The following FHIT variants were observed in gnomAD, a reference collection of about 807,000 sequenced individuals.
The protein encoded by FHIT is fragile histidine triad diadenosine triphosphatase, also known as bis(5'-adenosyl)-triphosphatase.
FHIT carries 19 observed loss-of-function variants against 17.9 expected under a neutral mutation model. The ratio of observed to expected loss-of-function variants is 1.06; its 90% CI spans 0.74 to 1.56. The LOEUF (loss-of-function observed/expected upper bound fraction) is 1.56. Among genes scored for constraint, FHIT ranks in the 40% most tolerant of loss-of-function variants. FHIT has a pLI of 0.00. For missense variants in FHIT, 248 were observed against 189.2 expected (o/e 1.31, Z -1.82); for synonymous variants, 81 against 69.7 (o/e 1.16, Z -0.81).
At chr3:60,258,698 C>A (rs1041137538) in intron 5 of FHIT, among the ~76,000 whole-genome samples, 13 of 152,034 alleles carry the variant, frequency 8.6e-5, no homozygotes, top group African/African-American at 3.1e-4. Flanking sequence ...GACATGGGAG[C>A]CTTCATAGGA....
intron 5 of FHIT, among the ~76,000 whole-genome samples, chr3:60,379,483 G>T (rs980047702): frequency 5.9e-5 from 9 of 152,070 alleles, no homozygotes; most frequent in Admixed American, 3.9e-4. Flanking sequence ...CTATATTTTA[G>T]TAACACTAAC....
intron 8 of FHIT, among the ~76,000 whole-genome samples, chr3:59,888,398 C>G (rs1358025046): frequency 6.6e-6 from 1 of 152,160 alleles, no homozygotes; most frequent in African/African-American, 2.4e-5. Flanking sequence ...TTCCTTGTAG[C>G]CTTTTATCTG....
intron 2 of FHIT, among the ~76,000 whole-genome samples, chr3:61,134,528 T>C (rs2036858289): frequency 6.6e-6 from 1 of 152,064 alleles, no homozygotes; most frequent in Non-Finnish European, 1.5e-5. Context: ...GAGACATCTC[T>C]TCAAAGGAAG....
intron 1 of FHIT, among the ~76,000 whole-genome samples, chr3:61,230,467 A>G (rs1253073713): frequency 2.0e-5 from 3 of 152,194 alleles, no homozygotes; most frequent in Non-Finnish European, 4.4e-5. Flanking sequence ...AGATGCCAGC[A>G]CCATGCTTGT....
At chr3:60,089,067 C>A (rs746876520) in intron 5 of FHIT, among the ~76,000 whole-genome samples, 51 of 152,260 alleles carry the variant, frequency 3.3e-4, no homozygotes, top group Non-Finnish European at 6.5e-4. Flanking sequence ...GGGCAGAAAT[C>A]ATCATTTATG....
intron 5 of FHIT, among the ~76,000 whole-genome samples, chr3:60,471,803 C>T (rs568425290): frequency 3.2e-4 from 49 of 152,162 alleles, no homozygotes; most frequent in Non-Finnish European, 6.2e-4. Flanking sequence ...TGTCTTCCCC[C>T]TGCCACCCCA....
chr3:61,017,277 G>A (rs2032168270), intron 3 of FHIT, among the ~76,000 whole-genome samples: 1 of 152,096 alleles, frequency 6.6e-6, no homozygotes, highest in Admixed American at 6.5e-5. Flanking sequence ...CGACAAGAGT[G>A]GAACTTCGTC....
chr3:60,202,698 C>A (rs1339443714), intron 5 of FHIT, among the ~76,000 whole-genome samples: 1 of 152,106 alleles, frequency 6.6e-6, no homozygotes, highest in Non-Finnish European at 1.5e-5. Context: ...AGGTCCCTAC[C>A]AGCCAGCCTA....
chr3:60,442,527 G>A (rs2030978228), intron 5 of FHIT, among the ~76,000 whole-genome samples: 1 of 152,084 alleles, frequency 6.6e-6, no homozygotes, highest in Admixed American at 6.6e-5. Flanking sequence ...TGTTAAATAG[G>A]GAATCCTTTC....
At chr3:59,868,434 TGAAAA>T (rs1295921487) in intron 8 of FHIT, among the ~76,000 whole-genome samples, 3 of 152,166 alleles carry the variant, frequency 2.0e-5, no homozygotes, top group African/African-American at 4.8e-5. Context: ...CAATGGACTC[TGAAAA>T]GAAAATTAGC....
intron 2 of FHIT, among the ~76,000 whole-genome samples, chr3:61,198,496 A>G (rs2038916746): frequency 6.7e-6 from 1 of 149,912 alleles, no homozygotes; most frequent in African/African-American, 2.5e-5. Context: ...AGATGCTGTT[A>G]GGAAGGAAAA....
At chr3:60,131,469 T>C (rs973018824) in intron 5 of FHIT, among the ~76,000 whole-genome samples, 6 of 152,118 alleles carry the variant, frequency 3.9e-5, no homozygotes, top group African/African-American at 1.4e-4. Flanking sequence ...TCTCACACTT[T>C]CAAGTAACGT....
At chr3:60,280,914 T>C (rs1339742439) in intron 5 of FHIT, among the ~76,000 whole-genome samples, 2 of 93,160 alleles carry the variant, frequency 2.1e-5, no homozygotes, top group East Asian at 1.2e-3. Flanking sequence ...GCTCTCATGA[T>C]ATGGCTGACT....
intron 3 of FHIT, among the ~76,000 whole-genome samples, chr3:60,845,347 A>C (rs1242531705): frequency 6.6e-6 from 1 of 152,088 alleles, no homozygotes; most frequent in East Asian, 1.9e-4. Context: ...AAAAAAAAAA[A>C]CCAAAAAACT....
intron 4 of FHIT, among the ~76,000 whole-genome samples, chr3:60,795,180 T>C (rs4974230): frequency 0.63 from 95,624 of 152,112 alleles, 32,108 homozygotes; most frequent in African/African-American, 0.86. Context: ...TCCTATCTGA[T>C]GACTTCACAG....
chr3:60,642,302 C>T (rs2039745359), intron 4 of FHIT, among the ~76,000 whole-genome samples: 1 of 152,182 alleles, frequency 6.6e-6, no homozygotes, highest in Non-Finnish European at 1.5e-5. Context: ...TAATTTACAC[C>T]ACACTGGAAT....
At chr3:60,803,953 G>A (rs1184377778) in intron 4 of FHIT, among the ~76,000 whole-genome samples, 3 of 152,142 alleles carry the variant, frequency 2.0e-5, no homozygotes, top group South Asian at 2.1e-4. Flanking sequence ...AGTGGCTCCC[G>A]TACTGAGGTC....
chr3:61,214,729 C>A (rs997817562), intron 1 of FHIT, among the ~76,000 whole-genome samples: 19 of 152,312 alleles, frequency 1.2e-4, no homozygotes, highest in African/African-American at 4.3e-4. Flanking sequence ...GACCAATATC[C>A]TTGATGAACA....
chr3:61,014,560 A>G (rs1042466125), intron 3 of FHIT, among the ~76,000 whole-genome samples: 4 of 151,564 alleles, frequency 2.6e-5, no homozygotes, highest in Non-Finnish European at 4.4e-5. Context: ...CGGGCAGATC[A>G]TGAGGTCAGG....
Sources: allele counts gnomAD v4.1 joint callset (sites outside exome capture counted in the v4.1 genomes callset), GRCh38; gene constraint gnomAD v4.1.1; transcripts MANE v1.5; gene names NCBI Gene and HGNC (gene_info 2026-07-23, HGNC 2026-07-21).